ASCC3: variants seen among roughly 807,000 people sequenced by gnomAD.
The protein encoded by ASCC3 is ASC-1 complex subunit P200.
Under a neutral mutation model 256.3 loss-of-function variants are expected in ASCC3, and 158 were observed. The ratio of observed to expected loss-of-function variants is 0.62; its 90% CI spans 0.54 to 0.70. The LOEUF is 0.70. Ranked by LOEUF, ASCC3 falls within the 30% of genes least tolerant of loss-of-function variation. ASCC3 has a pLI of 0.00. For synonymous variants in ASCC3, 948 were observed against 883.4 expected (o/e 1.07, Z -1.30); for missense variants, 2,259 against 2,626.0 (o/e 0.86, Z 3.05).
At chr6:100,671,360 G>C (rs1322198939) in intron 14 of ASCC3, among the ~76,000 whole-genome samples, 2 of 152,020 alleles carry the variant, frequency 1.3e-5, no homozygotes, top group Non-Finnish European at 2.9e-5. Flanking sequence ...GCTACTGTCT[G>C]AATAACTACA....
At position 100,516,301 on chromosome 6, in the gene ASCC3, G is replaced by T; in HGVS notation, c.5954C>A (p.Pro1985Gln). 6.2e-7 allele frequency: 1 copy of T among 1,613,630 alleles called. No homozygotes were observed. Among genetic ancestry groups the T allele is most frequent in the Non-Finnish European group, 8.5e-7 (1 of 1,179,702 alleles). Reference sequence around the variant, plus strand: ...GATGGAGGTCCGACCCCTAGCATGTGGGCCCTTCATAATCGGCTTCCATTT... The same window carrying T: ...GATGGAGGTCCGACCCCTAGCATGTTGGCCCTTCATAATCGGCTTCCATTT... ...FKKWKPIMKG[P>Q]HARGRTSIES... Residue 1985 changes from proline (P) to glutamine (Q), a missense_variant, in exon 39 of 42, where the codon CCA becomes CAA. Around this residue, in one of 2 missense-constraint regions of ASCC3, gnomAD observed 1,839 missense variants for 2,206.7 expected, o/e 0.83. Coordinates refer to ENST00000369162, the MANE Select transcript of ASCC3 (RefSeq NM_006828.4).
intron 13 of ASCC3, among the ~76,000 whole-genome samples, chr6:100,698,706 T>C (rs1778204658): frequency 6.6e-6 from 1 of 152,172 alleles, no homozygotes. Flanking sequence ...ACTGACATTC[T>C]TTCATTGATC....
At chr6:100,741,042 T>C (rs1780412036) in intron 10 of ASCC3, among the ~76,000 whole-genome samples, 1 of 152,248 alleles carries the variant, frequency 6.6e-6, no homozygotes, top group Non-Finnish European at 1.5e-5. Context: ...CCAAATTTAC[T>C]GCTTTCTTCA....
intron 14 of ASCC3, among the ~76,000 whole-genome samples, chr6:100,666,200 T>G (rs1776466635): frequency 6.6e-6 from 1 of 152,178 alleles, no homozygotes; most frequent in Non-Finnish European, 1.5e-5. Context: ...ATGGGCACAT[T>G]ACAGTCTGTT....
Position 100,607,048 on chromosome 6 carries a change from T to C in ASCC3, c.4826A>G (p.Lys1609Arg). 6.2e-7 allele frequency: 1 copy of C among 1,613,748 alleles called. No homozygotes were observed. The highest frequency in any genetic ancestry group is 2.2e-5 in the East Asian group (1 of 44,808). Residue 1609 changes from lysine (K) to arginine (R), a missense_variant, in exon 31 of 42, where the codon AAG becomes AGG. This residue lies in a region of ASCC3 where 1,839 missense variants were observed against 2,206.7 expected (regional missense o/e 0.83). Transcript: ENST00000369162. ...TCCTATCCCGAAAGCAAGGGTCAGC[T>C]TGAGGTTGGAATCTCTTACTGTTGC... ...IIATVRDSNL[K>R]LTLAFGIGMH...
Position 100,601,831 on chromosome 6 carries a change from C to T in ASCC3, c.5282G>A (p.Arg1761Gln), listed in dbSNP as rs769580373. 8.1e-6 allele frequency: 13 copies of T among 1,612,204 alleles called. No homozygotes were observed. In the African/African-American group the frequency reaches 9.4e-5, roughly 12 times the overall value. Residue 1761 changes from arginine to glutamine, a missense_variant, in exon 34 of 42, where the codon CGA becomes CAA. By Grantham distance (43) the Arg-to-Gln change is conservative. This residue lies in a region of ASCC3 where 1,839 missense variants were observed against 2,206.7 expected (regional missense o/e 0.83). Coordinates refer to ENST00000369162, the MANE Select transcript of ASCC3 (RefSeq NM_006828.4). The stretch of plus-strand genomic sequence containing the variant: ...TTACCTGGGATTCATGATAAGACGT[C>T]GGAAAAAGTAAGTCCAGGTGATATA... ...LDYITWTYFF[R>Q]RLIMNPSYYN...
chr6:100,817,035 A>T (rs1433745875), intron 4 of ASCC3, among the ~76,000 whole-genome samples: 2 of 152,080 alleles, frequency 1.3e-5, no homozygotes, highest in African/African-American at 4.8e-5. Context: ...CAGAACATAC[A>T]TTCTTCTCTA....
intron 17 of ASCC3, 88 bp downstream of exon 17, chr6:100,655,611 C>T (rs939338920): frequency 6.6e-5 from 96 of 1,463,814 alleles, no homozygotes; most frequent in Non-Finnish European, 8.8e-5. Flanking sequence ...TCAGATGAGG[C>T]AAGAGCAGCA....
chr6:100,835,058 G>A (rs543828827), intron 4 of ASCC3, among the ~76,000 whole-genome samples: 2 of 150,762 alleles, frequency 1.3e-5, no homozygotes, highest in East Asian at 3.9e-4. Context: ...TAATGCATCA[G>A]TGCCTACCCA....
intron 4 of ASCC3, among the ~76,000 whole-genome samples, chr6:100,835,256 T>C (rs1414108046): frequency 6.6e-6 from 1 of 152,150 alleles, no homozygotes; most frequent in Non-Finnish European, 1.5e-5. Flanking sequence ...GTTCCCTTTG[T>C]TGTACAGATG....
chr6:100,601,306 C>T (rs1224082722), intron 34 of ASCC3, among the ~76,000 whole-genome samples: 2 of 152,092 alleles, frequency 1.3e-5, no homozygotes, highest in Non-Finnish European at 1.5e-5. Flanking sequence ...TTTTACATCT[C>T]AGTGTTTAGT....
intron 10 of ASCC3, among the ~76,000 whole-genome samples, chr6:100,764,653 G>A (rs1196798595): frequency 6.6e-6 from 1 of 151,956 alleles, no homozygotes; most frequent in Non-Finnish European, 1.5e-5. Context: ...TTGTCTTTTT[G>A]AATTAAATCT....
intron 10 of ASCC3, among the ~76,000 whole-genome samples, chr6:100,752,152 T>C (rs1780971391): frequency 1.3e-5 from 2 of 152,164 alleles, no homozygotes; most frequent in African/African-American, 4.8e-5. Context: ...ATTACCTGCA[T>C]TATTGCATCA....
At chr6:100,515,523 C>T (rs891772972) in intron 39 of ASCC3, among the ~76,000 whole-genome samples, 1 of 152,166 alleles carries the variant, frequency 6.6e-6, no homozygotes, top group African/African-American at 2.4e-5. Flanking sequence ...GTCTAGATAG[C>T]CAAATATTTC....
chr6:100,735,879 G>T (rs534271675), intron 10 of ASCC3, among the ~76,000 whole-genome samples: 55 of 152,008 alleles, frequency 3.6e-4, no homozygotes, highest in Admixed American at 1.9e-3. Context: ...TACATATTTA[G>T]GTGGCTTTTC....
intron 37 of ASCC3, among the ~76,000 whole-genome samples, chr6:100,525,283 G>T (rs1476779121): frequency 6.7e-6 from 1 of 150,140 alleles, no homozygotes; most frequent in Non-Finnish European, 1.5e-5. Flanking sequence ...ATGATATATT[G>T]TCATCAGAGT....
intron 4 of ASCC3, among the ~76,000 whole-genome samples, chr6:100,815,316 A>G (rs1295668368): frequency 3.3e-5 from 5 of 152,292 alleles, no homozygotes; most frequent in African/African-American, 9.6e-5. Flanking sequence ...GGAAGAATCA[A>G]TATCGTTAAA....
intron 22 of ASCC3, among the ~76,000 whole-genome samples, chr6:100,646,272 T>G (rs1028760264): frequency 6.6e-6 from 1 of 152,072 alleles, no homozygotes; most frequent in Non-Finnish European, 1.5e-5. Context: ...ATGGTTTTCT[T>G]GAGGATGAGA....
intron 10 of ASCC3, among the ~76,000 whole-genome samples, chr6:100,733,388 T>C (rs1356387211): frequency 6.6e-6 from 1 of 152,070 alleles, no homozygotes; most frequent in African/African-American, 2.4e-5. Flanking sequence ...AATACATTAA[T>C]GCCCTCCTTT....
Sources: gnomAD v4.1 joint callset for allele counts (sites outside exome capture counted in the v4.1 genomes callset) on GRCh38, gnomAD v4.1.1 for gene constraint, gnomAD v4.1.1 regional missense constraint, MANE v1.5 for transcripts, NCBI Gene and HGNC (gene_info 2026-07-23, HGNC 2026-07-21) for gene names.